Variants in ACOXL observed in about 807,000 individuals in gnomAD.
ACOXL encodes acyl-coenzyme A oxidase-like protein.
A neutral mutation model predicts 71.9 loss-of-function variants in ACOXL; 70 were observed. The observed-to-expected ratio is 0.97, with a 90% confidence interval of 0.80 to 1.19. The LOEUF (loss-of-function observed/expected upper bound fraction) is 1.19, where lower values mean the gene tolerates loss of function less well. ACOXL is among the 50% of genes most tolerant of loss of function. ACOXL has a pLI of 0.00. For synonymous variants in ACOXL, 253 were observed against 281.6 expected (o/e 0.90, Z 1.02); for missense variants, 703 against 736.3 (o/e 0.95, Z 0.52).
intron 2 of ACOXL, among the ~76,000 whole-genome samples, chr2:110,784,208 G>A (rs1256245099): frequency 6.6e-6 from 1 of 151,900 alleles, no homozygotes; most frequent in Non-Finnish European, 1.5e-5. Context: ...GATCGTTTGA[G>A]CCCAGAAGTT....
chr2:110,936,879 G>A (rs1329044261), intron 12 of ACOXL, among the ~76,000 whole-genome samples: 5 of 146,526 alleles, frequency 3.4e-5, no homozygotes, highest in Non-Finnish European at 7.5e-5. Flanking sequence ...ATGGAGTCTT[G>A]CTGTGTTGCC....
chr2:110,766,300 A>C (rs1487600186), intron 1 of ACOXL, among the ~76,000 whole-genome samples: 4 of 152,180 alleles, frequency 2.6e-5, no homozygotes, highest in African/African-American at 7.2e-5. Flanking sequence ...ATGTTGCTCA[A>C]GATTGATTGA....
intron 13 of ACOXL, 74 bp from the exon 14 acceptor site, chr2:110,995,819 C>G (rs1426995705): frequency 1.7e-6 from 2 of 1,167,890 alleles, no homozygotes; most frequent in African/African-American, 3.1e-5. Flanking sequence ...AAAAACAAAC[C>G]TACTCTATTT....
chr2:111,058,102 A>G (rs2066637596), intron 16 of ACOXL, among the ~76,000 whole-genome samples: 1 of 152,248 alleles, frequency 6.6e-6, no homozygotes, highest in African/African-American at 2.4e-5. Context: ...AAATCACTAG[A>G]GACAAAAGAA....
rs950162629 is a variant in ACOXL at position 110,932,023 on chromosome 2, A to C, written c.906-1466A>C. Among the ~76,000 whole-genome samples the C allele has an allele frequency of 2.0e-5, 3 of 152,366 alleles. No individual in the cohort carries two copies. In the East Asian group the frequency reaches 5.8e-4, roughly 29 times the overall value. Reference sequence around the variant, plus strand: ...AATAGTCCCAAACTGGAAACAACCAAAATGTTCATCAACAAGTGAATGCAT... The same window carrying C: ...AATAGTCCCAAACTGGAAACAACCACAATGTTCATCAACAAGTGAATGCAT... On this transcript the variant is annotated intron_variant, in intron 11 of 17. Coordinates refer to ENST00000439055, the MANE Select transcript of ACOXL (RefSeq NM_001142807.4).
At chr2:110,843,774 G>T (rs779509845) in intron 10 of ACOXL, among the ~76,000 whole-genome samples, 72 of 152,328 alleles carry the variant, frequency 4.7e-4, no homozygotes, top group South Asian at 1.0e-3. Context: ...TTTGTCTCCA[G>T]GCTGTCCTTA....
intron 10 of ACOXL, among the ~76,000 whole-genome samples, chr2:110,888,232 C>A (rs1697543508): frequency 6.6e-6 from 1 of 152,180 alleles, no homozygotes; most frequent in African/African-American, 2.4e-5. Context: ...CAGTATGGAA[C>A]TGGAAGGGAC....
chr2:110,850,299 C>T (rs1277557846), intron 10 of ACOXL, among the ~76,000 whole-genome samples: 1 of 152,132 alleles, frequency 6.6e-6, no homozygotes, highest in African/African-American at 2.4e-5. Flanking sequence ...CTTTGAAAAA[C>T]ACTGCAAAGA....
chr2:111,017,833 T>C (rs975798465), intron 14 of ACOXL: 1 of 152,212 alleles, frequency 6.6e-6, no homozygotes, highest in African/African-American at 2.4e-5. Context: ...GTTAGTGGTA[T>C]TGTAGTTGTT....
rs1020052512 is a variant in ACOXL at position 110,969,031 on chromosome 2, C to A, written c.1060-18077C>A. Among the ~76,000 whole-genome samples the A allele has an allele frequency of 2.0e-5, 3 of 152,148 alleles. No homozygotes were observed. The East Asian group carries it at 5.8e-4, about 29-fold the overall frequency. On this transcript the variant is annotated intron_variant, in intron 12 of 17. Coordinates refer to ENST00000439055, the MANE Select transcript of ACOXL (RefSeq NM_001142807.4). ...AAGAGCAGAAAGAAAAGAAGAATATCTCTAAATACTTGGAAATTAAGCAAC... is the reference window on the plus strand; with the variant it reads ...AAGAGCAGAAAGAAAAGAAGAATATATCTAAATACTTGGAAATTAAGCAAC...
intron 16 of ACOXL, among the ~76,000 whole-genome samples, chr2:111,074,758 C>A (rs2067514059): frequency 6.6e-6 from 1 of 152,000 alleles, no homozygotes; most frequent in Admixed American, 6.6e-5. Flanking sequence ...CCATGCTTAG[C>A]TAATTTCTAT....
At chr2:110,822,411 C>T (rs2058420834) in intron 9 of ACOXL, among the ~76,000 whole-genome samples, 2 of 152,104 alleles carry the variant, frequency 1.3e-5, no homozygotes, top group African/African-American at 4.8e-5. Flanking sequence ...TTATTCAGTT[C>T]CAGCCTTCAC....
At chr2:111,087,727 G>T (rs148599358) in intron 16 of ACOXL, among the ~76,000 whole-genome samples, 12 of 152,118 alleles carry the variant, frequency 7.9e-5, no homozygotes, top group Non-Finnish European at 1.2e-4. Context: ...CATTCCAGAC[G>T]TAGGAACTGG....
At chr2:111,106,566 C>T (rs2069553126) in intron 17 of ACOXL, among the ~76,000 whole-genome samples, 1 of 152,202 alleles carries the variant, frequency 6.6e-6, no homozygotes, top group South Asian at 2.1e-4. Flanking sequence ...CCCAGTTTGA[C>T]ATCTTCCTGG....
At chr2:110,864,870 G>A (rs1037252187) in intron 10 of ACOXL, among the ~76,000 whole-genome samples, 3 of 152,226 alleles carry the variant, frequency 2.0e-5, no homozygotes, top group Admixed American at 6.5e-5. Flanking sequence ...AGGCTGTCAG[G>A]CTGTTGTCTC....
chr2:111,030,587 G>C (rs1558888791), intron 14 of ACOXL, among the ~76,000 whole-genome samples: 1 of 152,142 alleles, frequency 6.6e-6, no homozygotes, highest in African/African-American at 2.4e-5. Context: ...TTTACATGTG[G>C]ATCTCCAGGC....
At chr2:111,024,623 C>A (rs1238201774) in intron 14 of ACOXL, among the ~76,000 whole-genome samples, 1 of 152,108 alleles carries the variant, frequency 6.6e-6, no homozygotes, top group Non-Finnish European at 1.5e-5. Flanking sequence ...CCTAGGGAAC[C>A]AATATACCTC....
At chr2:111,034,951 T>A (rs1407663498) in intron 15 of ACOXL, among the ~76,000 whole-genome samples, 1 of 150,564 alleles carries the variant, frequency 6.6e-6, no homozygotes, top group Non-Finnish European at 1.5e-5. Context: ...GGAGTCTCGC[T>A]CTGTCGCCCA....
intron 12 of ACOXL, among the ~76,000 whole-genome samples, chr2:110,984,284 C>T (rs890162279): frequency 6.6e-6 from 1 of 151,996 alleles, no homozygotes; most frequent in African/African-American, 2.4e-5. Flanking sequence ...CACATATATA[C>T]TACATAGTAT....
Sources: allele counts gnomAD v4.1 joint callset (sites outside exome capture counted in the v4.1 genomes callset), GRCh38; gene constraint gnomAD v4.1.1; transcripts MANE v1.5; gene names NCBI Gene and HGNC (gene_info 2026-07-23, HGNC 2026-07-21).